SPICE1: variants seen among roughly 807,000 people sequenced by gnomAD.
SPICE1 encodes the protein spindle and centriole associated protein 1.
A neutral mutation model predicts 102.7 loss-of-function variants in SPICE1; 75 were observed. The observed-to-expected ratio is 0.73, with a 90% CI of 0.61 to 0.88. The LOEUF (loss-of-function observed/expected upper bound fraction) is 0.88. Ranked by LOEUF, SPICE1 falls within the 40% of genes least tolerant of loss-of-function variation. The pLI is 0.00. For synonymous variants in SPICE1, 308 were observed against 350.3 expected (o/e 0.88, Z 1.35); for missense variants, 979 against 1,020.1 (o/e 0.96, Z 0.55).
chr3:113,474,249 T>C (rs1314573271), intron 7 of SPICE1, among the ~76,000 whole-genome samples: 2 of 152,080 alleles, frequency 1.3e-5, no homozygotes, highest in Non-Finnish European at 2.9e-5. Context: ...ATCCTAAATA[T>C]ATATGCACCC....
rs1350273876 is a variant in SPICE1, at chr3:113,445,172, C to G, written c.*135G>C. ...AAGTCAAAAAATAATTGCTTTATTT[C>G]TCTGTTTCATTAGTACTAATTCACA... On this transcript the variant is annotated 3_prime_UTR_variant, in exon 18 of 18. Coordinates refer to ENST00000295872, the MANE Select transcript of SPICE1 (RefSeq NM_144718.4). 4 of 600,192 alleles carry G rather than the reference C, an allele frequency of 6.7e-6. No individual in the cohort carries two copies. Among genetic ancestry groups the G allele is most frequent in the Non-Finnish European group, 2.7e-6 (1 of 368,290 alleles). The allele number at this position is 600,192 out of a possible 1,614,324, so 37.2% of individuals were successfully genotyped here.
chr3:113,497,698 G>GAA (rs3085000), intron 4 of SPICE1, among the ~76,000 whole-genome samples: 2 of 127,886 alleles, frequency 1.6e-5, no homozygotes, highest in East Asian at 2.6e-4. Context: ...GAGAGAGAGA[G>GAA]AAAGAGAGCT....
At chr3:113,489,454 C>G (rs1166546779) in intron 6 of SPICE1, among the ~76,000 whole-genome samples, 1 of 152,174 alleles carries the variant, frequency 6.6e-6, no homozygotes, top group Non-Finnish European at 1.5e-5. Context: ...ACTCAAACTG[C>G]TCTCTACAAG....
intron 7 of SPICE1, among the ~76,000 whole-genome samples, chr3:113,487,272 G>T (rs1936671050): frequency 6.6e-6 from 1 of 152,060 alleles, no homozygotes; most frequent in African/African-American, 2.4e-5. Context: ...GCTGCTCAGT[G>T]TTAAAGAAGA....
chr3:113,453,588 C>T lies in SPICE1; in HGVS notation c.2020G>A (p.Asp674Asn), dbSNP rs1460742744. 6.2e-7 allele frequency: 1 copy of T among 1,614,180 alleles called. No homozygotes were observed. Among genetic ancestry groups the T allele is most frequent in the Non-Finnish European group, 8.5e-7 (1 of 1,180,038 alleles). ...ATAGCTGAATTCTGCAATGTCAAAT[C>T]AGCAATTCGTGTCATTATGTCCTTT... ...QRKDIMTRIADLTLQNSAIKA... is the reference protein window; with the variant it reads ...QRKDIMTRIANLTLQNSAIKA... The change falls in exon 14 of 18, where the codon GAT (aspartate) becomes AAT (asparagine). Residue 674 changes from aspartate (D) to asparagine (N), a missense_variant. Physicochemically the swap from Asp to Asn is conservative, Grantham distance 23. Coordinates refer to ENST00000295872, the MANE Select transcript of SPICE1 (RefSeq NM_144718.4).
intron 7 of SPICE1, among the ~76,000 whole-genome samples, chr3:113,480,601 A>G (rs1936467888): frequency 6.6e-6 from 1 of 152,226 alleles, no homozygotes; most frequent in Non-Finnish European, 1.5e-5. Flanking sequence ...ACATAAGCAG[A>G]AAACTCATAT....
Position 113,465,693 on chromosome 3 carries a change from G to C in SPICE1, c.1247C>G (p.Ala416Gly). Residue 416 changes from alanine to glycine, a missense_variant, in exon 11 of 18, where the codon GCT (alanine) becomes GGT (glycine). Ala to Gly is a moderately conservative substitution (Grantham distance 60). Transcript: ENST00000295872. ...TTCTTCTCTAAGACGAAGAATTTCA[G>C]CTGTCAGAGCATCAATGAGCTCTCG... ...DHRELIDALTAEILRLREENA... is the reference protein window; with the variant it reads ...DHRELIDALTGEILRLREENA... The C allele has an allele frequency of 6.2e-7, 1 of 1,613,864 alleles. No individual in the cohort carries two copies. The highest frequency in any genetic ancestry group is 8.5e-7 in the Non-Finnish European group (1 of 1,179,870).
intron 11 of SPICE1, 113 bp from the exon 12 acceptor site, chr3:113,460,877 C>G: frequency 1.1e-6 from 1 of 890,994 alleles, no homozygotes; most frequent in Non-Finnish European, 1.6e-6. Flanking sequence ...CAATACATAT[C>G]AAAGGATATG....
rs773103212 is a variant in SPICE1, at chr3:113,499,608, A to G, written c.148-26T>C. On this transcript the variant is annotated intron_variant, in intron 3 of 17. Coordinates refer to ENST00000295872, the MANE Select transcript of SPICE1 (RefSeq NM_144718.4). ...CTATACAGAAGAGAAAAGTACATAA[A>G]GGAATGTTTCAGACACAAAGAAGTT... The G allele has an allele frequency of 2.0e-5, 31 of 1,556,456 alleles. No homozygotes were observed. In the East Asian group the frequency reaches 6.3e-4, roughly 32 times the overall value.
At chr3:113,458,820 C>T (rs561715030) in intron 12 of SPICE1, among the ~76,000 whole-genome samples, 205 of 150,308 alleles carry the variant, frequency 1.4e-3, no homozygotes, top group African/African-American at 4.6e-3. Context: ...GTCTCTGCCC[C>T]GCTGCCCCGT....
rs755249468 is a variant in SPICE1, at chr3:113,493,216, A to C, written c.482T>G (p.Ile161Arg). ...AGTGGAACACATTACCTGAGGTTCTATGACAGACTCATTAAAGATAGATTG... is the reference window on the plus strand; with the variant it reads ...AGTGGAACACATTACCTGAGGTTCTCTGACAGACTCATTAAAGATAGATTG... ...ITQSIFNESV[I>R]EPQALNDVDG... The change falls in exon 6 of 18, where the codon ATA becomes AGA. Residue 161 changes from isoleucine to arginine, a missense_variant. Transcript: ENST00000295872. 4 of 1,604,598 alleles carry C rather than the reference A, an allele frequency of 2.5e-6. No homozygotes were observed. The highest frequency in any genetic ancestry group is 3.4e-5 in the Admixed American group (2 of 58,198).
chr3:113,464,844 T>A (rs960581735), intron 11 of SPICE1, among the ~76,000 whole-genome samples: 1 of 152,156 alleles, frequency 6.6e-6, no homozygotes, highest in Non-Finnish European at 1.5e-5. Flanking sequence ...CAGTGGCTCA[T>A]GCCTGTAATC....
rs1174295398 is a variant in SPICE1 at position 113,443,327 on chromosome 3, T to C, written c.*1980A>G. 2 of 152,250 alleles carry C rather than the reference T, an allele frequency of 1.3e-5. No homozygotes were observed. The highest frequency in any genetic ancestry group is 2.4e-5 in the African/African-American group (1 of 41,472). The allele number at this position is 152,250 out of a possible 1,614,324, so 9.4% of individuals were successfully genotyped here. On this transcript the variant is annotated 3_prime_UTR_variant, in exon 18 of 18. Transcript: ENST00000295872. ...AAGATTTCTGGTTTCAGTACTTGCA[T>C]CCTTAGCTACTGTACTGTATTAGTT...
Position 113,453,547 on chromosome 3 carries a change from A to G in SPICE1, c.2061T>C (p.Asn687=), listed in dbSNP as rs1228043637. 2 of 1,613,970 alleles carry G rather than the reference A, an allele frequency of 1.2e-6. No homozygotes were observed. The highest frequency in any genetic ancestry group is 1.7e-5 in the Admixed American group (1 of 60,004). Residue 687 remains asparagine, a synonymous_variant, in exon 14 of 18, where the codon AAT becomes AAC. Coordinates refer to ENST00000295872, the MANE Select transcript of SPICE1 (RefSeq NM_144718.4). ...LQNSAIKAHM[N]NIIEPRGEQG... ...GCTCTCCTCTGGGCTCAATAATATT[A>G]TTCATATGTGCCTTGATAGCTGAAT...
At chr3:113,468,090 T>A in intron 10 of SPICE1, 49 bp downstream of exon 10, 1 of 1,561,044 alleles carries the variant, frequency 6.4e-7, no homozygotes, top group Non-Finnish European at 8.7e-7. Context: ...GAAAAAAAAC[T>A]CATGCATTTC....
At chr3:113,505,361 T>C (rs1480615378) in intron 2 of SPICE1, among the ~76,000 whole-genome samples, 6 of 152,090 alleles carry the variant, frequency 3.9e-5, no homozygotes, top group African/African-American at 9.7e-5. Flanking sequence ...AGTCACATCC[T>C]TGTTATTAAA....
intron 13 of SPICE1, among the ~76,000 whole-genome samples, chr3:113,454,506 C>T (rs1268347243): frequency 2.0e-5 from 3 of 151,984 alleles, no homozygotes; most frequent in African/African-American, 7.2e-5. Flanking sequence ...GTCAGGAGTT[C>T]GAGATCAGCC....
rs570678967 is a variant in SPICE1 at position 113,499,353 on chromosome 3, C to T, written c.291+86G>A. On this transcript the variant is annotated intron_variant, in intron 4 of 17. Coordinates refer to ENST00000295872, the MANE Select transcript of SPICE1 (RefSeq NM_144718.4). ...AAGAATGCAGTGATTACTAGAGTCT[C>T]TCCAACGTGAATCAAATTGAAGAAA... 3.0e-5 allele frequency: 43 copies of T among 1,413,772 alleles called. No homozygotes were observed. The South Asian group carries it at 5.6e-4, about 18-fold the overall frequency. The allele number at this position is 1,413,772 out of a possible 1,614,324, so 87.6% of individuals were successfully genotyped here.
intron 13 of SPICE1, among the ~76,000 whole-genome samples, chr3:113,455,270 A>C (rs1393703703): frequency 6.6e-6 from 1 of 152,162 alleles, no homozygotes; most frequent in Non-Finnish European, 1.5e-5. Context: ...ACTGCACACC[A>C]ATACACACAG....
Sources: allele counts gnomAD v4.1 joint callset (sites outside exome capture counted in the v4.1 genomes callset), GRCh38; gene constraint gnomAD v4.1.1; transcripts MANE v1.5; gene names NCBI Gene and HGNC (gene_info 2026-07-23, HGNC 2026-07-21).